The following ATP9A variants were observed in gnomAD, a reference collection of about 807,000 sequenced individuals.
The protein encoded by ATP9A is probable phospholipid-transporting ATPase IIA.
A neutral mutation model predicts 144.1 loss-of-function variants in ATP9A; 52 were observed. The observed-to-expected ratio is 0.36, with a 90% CI of 0.29 to 0.45. The LOEUF (loss-of-function observed/expected upper bound fraction) is 0.45, where lower values mean the gene tolerates loss of function less well. ATP9A is among the 20% of genes least tolerant of loss of function. ATP9A has a pLI of 1.00. For missense variants in ATP9A, 947 were observed against 1,392.7 expected (o/e 0.68, Z 5.09); for synonymous variants, 582 against 557.4 (o/e 1.04, Z -0.62).
At position 51,693,067 on chromosome 20, in the gene ATP9A, A is replaced by G. The variant is rs139935752; in HGVS notation, c.642+941T>C. On this transcript the variant is annotated intron_variant, in intron 7 of 27. Coordinates refer to ENST00000338821, the MANE Select transcript of ATP9A (RefSeq NM_006045.3). ...CAGTGGGGCATGCCACTCACCAGGC[A>G]CTTAAGTTACACATGGCCAACTACT... Among the ~76,000 whole-genome samples the G allele has an allele frequency of 3.2e-3, 492 of 152,272 alleles. 3 individuals are homozygous for G. The highest frequency in any genetic ancestry group is 3.5e-3 in the Non-Finnish European group (236 of 68,024).
intron 1 of ATP9A, among the ~76,000 whole-genome samples, chr20:51,759,276 G>A (rs946058419): frequency 2.0e-5 from 3 of 152,208 alleles, no homozygotes; most frequent in African/African-American, 7.2e-5. Context: ...GGAGGGGGGT[G>A]TCTCTGGGTT....
At chr20:51,705,129 T>C (rs2077609843) in intron 4 of ATP9A, among the ~76,000 whole-genome samples, 1 of 152,224 alleles carries the variant, frequency 6.6e-6, no homozygotes, top group Admixed American at 6.5e-5. Context: ...AAAGTTTCAA[T>C]TTAATTATTA....
intron 4 of ATP9A, among the ~76,000 whole-genome samples, chr20:51,711,953 T>C (rs1178831176): frequency 6.6e-6 from 1 of 151,050 alleles, no homozygotes; most frequent in Non-Finnish European, 1.5e-5. Flanking sequence ...CCTCCTAGGT[T>C]CAAGTGAGTC....
At chr20:51,728,818 C>T (rs1200786140) in intron 2 of ATP9A, among the ~76,000 whole-genome samples, 1 of 152,050 alleles carries the variant, frequency 6.6e-6, no homozygotes, top group African/African-American at 2.4e-5. Flanking sequence ...TAGATTTGTG[C>T]CTCTGCACTA....
chr20:51,687,662 G>A (rs1027845570), intron 9 of ATP9A, among the ~76,000 whole-genome samples: 1 of 152,028 alleles, frequency 6.6e-6, no homozygotes, highest in Admixed American at 6.6e-5. Context: ...TGTTTGGGAG[G>A]CTGAGGCAGG....
intron 4 of ATP9A, 33 bp from the exon 5 acceptor site, chr20:51,697,515 T>A (rs2077575648): frequency 6.2e-7 from 1 of 1,603,128 alleles, no homozygotes; most frequent in Non-Finnish European, 8.5e-7. Context: ...TACATCACCA[T>A]CTTAATTCAT....
At chr20:51,679,594 C>T (rs1007813563) in intron 9 of ATP9A, among the ~76,000 whole-genome samples, 1 of 152,204 alleles carries the variant, frequency 6.6e-6, no homozygotes, top group Admixed American at 6.5e-5. Flanking sequence ...TCTGCAGCCC[C>T]TCCTTGCTCT....
intron 4 of ATP9A, among the ~76,000 whole-genome samples, chr20:51,704,821 G>C (rs1057130013): frequency 6.6e-6 from 1 of 152,074 alleles, no homozygotes; most frequent in African/African-American, 2.4e-5. Flanking sequence ...CTTTATATCT[G>C]TACCAGGCAG....
intron 1 of ATP9A, among the ~76,000 whole-genome samples, chr20:51,731,391 AG>A (rs1378207622): frequency 2.0e-5 from 3 of 152,028 alleles, no homozygotes; most frequent in South Asian, 4.2e-4. Flanking sequence ...TATCACAGTA[AG>A]TACTATTATT....
chr20:51,756,608 C>G (rs1459170375), intron 1 of ATP9A, among the ~76,000 whole-genome samples: 2 of 151,960 alleles, frequency 1.3e-5, no homozygotes, highest in African/African-American at 2.4e-5. Flanking sequence ...CTGTCTTAAT[C>G]TCCTCCTATA....
rs1420576032 is a variant in ATP9A, at chr20:51,676,225, A to T, written c.800-17T>A. On this transcript the variant is annotated splice_polypyrimidine_tract_variant and intron_variant, in intron 9 of 27. Coordinates refer to ENST00000338821, the MANE Select transcript of ATP9A (RefSeq NM_006045.3). ...CAACAGTACCTAAAATGGAAAAAAG[A>T]AAAAAAAAAAAAGAAAAGAAATATT... The T allele has an allele frequency of 7.9e-6, 4 of 505,550 alleles. No homozygotes were observed. Among genetic ancestry groups the T allele is most frequent in the Non-Finnish European group, 1.0e-5 (4 of 387,548 alleles). The allele number at this position is 505,550 out of a possible 1,614,324, so 31.3% of individuals were successfully genotyped here. A position where few individuals can be genotyped will look rare whatever the true frequency, so the allele number is the denominator to read the frequency against.
At chr20:51,768,269 G>C (rs2077914591) in intron 1 of ATP9A, 33 bp downstream of exon 1, 2 of 1,237,518 alleles carry the variant, frequency 1.6e-6, no homozygotes, top group Non-Finnish European at 2.0e-6. Flanking sequence ...GGGAGGCGCG[G>C]ACAAAGGAAA....
At chr20:51,615,550 C>T (rs1050397262) in intron 22 of ATP9A, among the ~76,000 whole-genome samples, 1 of 152,146 alleles carries the variant, frequency 6.6e-6, no homozygotes, top group African/African-American at 2.4e-5. Flanking sequence ...GTAATATACA[C>T]ACAGAAAAAA....
At chr20:51,604,484 ATAGATTGGACT>A (rs1432032100) in intron 27 of ATP9A, among the ~76,000 whole-genome samples, 3 of 152,166 alleles carry the variant, frequency 2.0e-5, no homozygotes, top group Non-Finnish European at 2.9e-5. Context: ...TATCAGTTTC[ATAGATTGGACT>A]TCAGATTAAG....
chr20:51,621,247 G>A (rs1385932134), intron 19 of ATP9A, among the ~76,000 whole-genome samples: 1 of 152,062 alleles, frequency 6.6e-6, no homozygotes, highest in Non-Finnish European at 1.5e-5. Flanking sequence ...TTGGGAGGAG[G>A]AGAATTCACA....
At chr20:51,711,435 A>G (rs146213987) in intron 4 of ATP9A, among the ~76,000 whole-genome samples, 85 of 152,248 alleles carry the variant, frequency 5.6e-4, no homozygotes, top group African/African-American at 1.9e-3. Context: ...AAGCACTTAA[A>G]CAGCAGTTCA....
chr20:51,637,397 C>A (rs188285287), intron 15 of ATP9A, among the ~76,000 whole-genome samples: 151 of 150,634 alleles, frequency 1.0e-3, no homozygotes, highest in Non-Finnish European at 1.6e-3. Flanking sequence ...GTGTGCCAGG[C>A]AGGAAAGCTA....
chr20:51,610,289 A>G (rs1174862236), intron 23 of ATP9A, 124 bp from the exon 24 acceptor site: 4 of 702,534 alleles, frequency 5.7e-6, no homozygotes, highest in Non-Finnish European at 9.8e-6. Context: ...GGTACTTTAC[A>G]TGGATTTGCT....
At chr20:51,666,163 G>C (rs891869545) in intron 13 of ATP9A, among the ~76,000 whole-genome samples, 4 of 152,152 alleles carry the variant, frequency 2.6e-5, no homozygotes, top group Non-Finnish European at 5.9e-5. Context: ...GTCGCTTCCT[G>C]TACCCCAGTG....
Sources: gnomAD v4.1 joint callset for allele counts (sites outside exome capture counted in the v4.1 genomes callset) on GRCh38, gnomAD v4.1.1 for gene constraint, MANE v1.5 for transcripts, NCBI Gene and HGNC (gene_info 2026-07-23, HGNC 2026-07-21) for gene names.